MMP26: variants seen among roughly 807,000 people sequenced by gnomAD.
MMP26 encodes matrix metallopeptidase 26.
MMP26 carries 33 observed loss-of-function variants against 31.0 expected under a neutral mutation model. The observed-to-expected ratio is 1.06, with a 90% CI of 0.81 to 1.42. The LOEUF (loss-of-function observed/expected upper bound fraction) is 1.42. Ranked by LOEUF, MMP26 falls within the 40% of genes most tolerant of loss-of-function variation. The pLI is 0.00. For synonymous variants in MMP26, 122 were observed against 114.9 expected (o/e 1.06, Z -0.40); for missense variants, 347 against 316.1 (o/e 1.10, Z -0.74).
chr11:4,779,409 A>G (rs1848829999), intron 2 of MMP26, among the ~76,000 whole-genome samples: 1 of 151,968 alleles, frequency 6.6e-6, no homozygotes, highest in Non-Finnish European at 1.5e-5. Flanking sequence ...TTTGTTTGAA[A>G]GTTTTGCCTC....
intron 2 of MMP26, among the ~76,000 whole-genome samples, chr11:4,891,395 T>C (rs1174247410): frequency 6.6e-6 from 1 of 152,016 alleles, no homozygotes; most frequent in Non-Finnish European, 1.5e-5. Context: ...TTTTGTGAGA[T>C]CCCACTCACT....
At chr11:4,934,007 T>C (rs1851393270) in intron 2 of MMP26, among the ~76,000 whole-genome samples, 1 of 144,974 alleles carries the variant, frequency 6.9e-6, no homozygotes, top group South Asian at 2.3e-4. Flanking sequence ...AAGTCTTTGC[T>C]ATTGTGAATA....
chr11:4,983,086 CT>C (rs768551452), intron 2 of MMP26, among the ~76,000 whole-genome samples: 4 of 152,186 alleles, frequency 2.6e-5, no homozygotes, highest in Admixed American at 6.5e-5. Context: ...TCTTAATAGC[CT>C]TTGCACACCA....
chr11:4,737,880 C>G (rs1291147347), intron 1 of MMP26, among the ~76,000 whole-genome samples: 1 of 152,156 alleles, frequency 6.6e-6, no homozygotes, highest in African/African-American at 2.4e-5. Flanking sequence ...TGTTTAAAAA[C>G]TCTACTGCAT....
At chr11:4,852,298 GA>G (rs376739913) in intron 2 of MMP26, among the ~76,000 whole-genome samples, 88 of 151,702 alleles carry the variant, frequency 5.8e-4, no homozygotes, top group African/African-American at 2.0e-3. Flanking sequence ...TAAAACAATT[GA>G]AAAAAATACA....
At chr11:4,754,299 T>A (rs1461386472) in intron 1 of MMP26, among the ~76,000 whole-genome samples, 1 of 151,930 alleles carries the variant, frequency 6.6e-6, no homozygotes, top group Non-Finnish European at 1.5e-5. Context: ...CAGTTAATAT[T>A]TATTTCTTAA....
intron 2 of MMP26, chr11:4,859,489 C>A (rs371634765): frequency 2.8e-5 from 10 of 356,114 alleles, no homozygotes; most frequent in Non-Finnish European, 5.5e-6. Flanking sequence ...CACCCACAAG[C>A]CTTACCCACT....
At position 4,766,708 on chromosome 11, in the gene MMP26, C is replaced by CCTCCCTCA. The variant is rs1286257228; in HGVS notation, c.-216-555_-216-554insACTCCCTC. ...CCACTTTCCTTTCCCTCCCTCCCTCCCTCCCTCCCTTCCTTCCTTCCTTTT... is the reference window on the plus strand; with the variant it reads ...CCACTTTCCTTTCCCTCCCTCCCTCCCTCCCTCACTCCCTCCCTTCCTTCCTTCCTTTT... On this transcript the variant is annotated intron_variant, in intron 1 of 7. Transcript: ENST00000380390. Among the ~76,000 whole-genome samples the CCTCCCTCA allele has an allele frequency of 7.0e-3, 864 of 123,636 alleles. 20 individuals are homozygous for CCTCCCTCA. The highest frequency in any genetic ancestry group is 0.027 in the African/African-American group (823 of 30,784). The allele number at this position is 123,636 out of a possible 152,430, so 81.1% of individuals were successfully genotyped here.
At chr11:4,769,314 A>G (rs1455541775) in intron 2 of MMP26, 1 of 1,613,562 alleles carries the variant, frequency 6.2e-7, no homozygotes, top group East Asian at 2.2e-5. Flanking sequence ...AGATCAATTA[A>G]TCCACAGATG....
At chr11:4,760,462 C>T (rs1848557590) in intron 1 of MMP26, among the ~76,000 whole-genome samples, 1 of 152,122 alleles carries the variant, frequency 6.6e-6, no homozygotes, top group African/African-American at 2.4e-5. Flanking sequence ...ATATTTGAGG[C>T]TTTGGCTGAA....
intron 2 of MMP26, among the ~76,000 whole-genome samples, chr11:4,977,120 A>G (rs899797772): frequency 6.6e-6 from 1 of 151,282 alleles, no homozygotes; most frequent in Non-Finnish European, 1.5e-5. Flanking sequence ...CTGTTACTTA[A>G]AGATTTCTTG....
chr11:4,870,763 T>A (rs2133525854), intron 2 of MMP26, among the ~76,000 whole-genome samples: 1 of 152,246 alleles, frequency 6.6e-6, no homozygotes, highest in Non-Finnish European at 1.5e-5. Context: ...TTTACAGTAT[T>A]TCCCATGTTA....
chr11:4,906,575 A>G (rs1850892523), intron 2 of MMP26, among the ~76,000 whole-genome samples: 1 of 152,200 alleles, frequency 6.6e-6, no homozygotes. Context: ...ACTTTATAGC[A>G]TCTAATGACT....
chr11:4,752,027 C>T (rs748174357), intron 1 of MMP26: 23 of 152,060 alleles, frequency 1.5e-4, no homozygotes, highest in Non-Finnish European at 3.2e-4. Context: ...AGGAGTAGTA[C>T]ATGTTAAATA....
At chr11:4,907,421 C>G (rs1833628952) in intron 2 of MMP26, 1 of 1,613,778 alleles carries the variant, frequency 6.2e-7, no homozygotes, top group Non-Finnish European at 8.5e-7. Flanking sequence ...GATTGGGATC[C>G]CAGGACTGGA....
chr11:4,709,221 G>T (rs1847825146), intron 1 of MMP26, among the ~76,000 whole-genome samples: 1 of 152,018 alleles, frequency 6.6e-6, no homozygotes, highest in Non-Finnish European at 1.5e-5. Context: ...TATCCCATCT[G>T]CCCGTGTACA....
chr11:4,886,304 A>T (rs2133543869), intron 2 of MMP26, among the ~76,000 whole-genome samples: 1 of 152,190 alleles, frequency 6.6e-6, no homozygotes, highest in Middle Eastern at 3.4e-3. Flanking sequence ...GCTGAGATTT[A>T]AGCTCCTAAC....
chr11:4,777,245 T>C (rs929863451), intron 2 of MMP26, among the ~76,000 whole-genome samples: 2 of 152,146 alleles, frequency 1.3e-5, no homozygotes, highest in Admixed American at 1.3e-4. Context: ...TAAGTAAAAA[T>C]GATGTTTTAA....
intron 2 of MMP26, among the ~76,000 whole-genome samples, chr11:4,933,218 T>C (rs552209388): frequency 2.6e-5 from 4 of 152,200 alleles, no homozygotes; most frequent in African/African-American, 9.6e-5. Context: ...TGTGACTCTA[T>C]ATATGTTATC....
Sources: gnomAD v4.1 joint callset for allele counts (sites outside exome capture counted in the v4.1 genomes callset) on GRCh38, gnomAD v4.1.1 for gene constraint, MANE v1.5 for transcripts, NCBI Gene and HGNC (gene_info 2026-07-23, HGNC 2026-07-21) for gene names.